Variants in ERGIC3 observed in about 807,000 individuals in gnomAD.
ERGIC3 encodes ERGIC and golgi 3.
Under a neutral mutation model 54.7 loss-of-function variants are expected in ERGIC3, and 33 were observed. That is an observed-to-expected ratio of 0.60 (90% confidence interval 0.46 to 0.81). The LOEUF is 0.81. Ranked by LOEUF, ERGIC3 falls within the 30% of genes least tolerant of loss-of-function variation. The pLI, the probability that ERGIC3 is intolerant of heterozygous loss-of-function variation, is 0.00. For synonymous variants in ERGIC3, 186 were observed against 189.8 expected (o/e 0.98, Z 0.16); for missense variants, 399 against 488.4 (o/e 0.82, Z 1.73).
intron 8 of ERGIC3, 150 bp from the exon 9 acceptor site, chr20:35,555,883 G>T: frequency 2.9e-6 from 2 of 681,838 alleles, no homozygotes; most frequent in Non-Finnish European, 2.5e-6. Context: ...GAGTTTCTAG[G>T]CAGGGAATGG....
At chr20:35,552,906 C>T (rs2064688783) in intron 7 of ERGIC3, among the ~76,000 whole-genome samples, 1 of 151,166 alleles carries the variant, frequency 6.6e-6, no homozygotes, top group Admixed American at 6.6e-5. Context: ...GAGTGACAGG[C>T]AGTTGCCCAA....
chr20:35,553,605 C>G (rs573920850), intron 7 of ERGIC3, among the ~76,000 whole-genome samples: 2 of 152,040 alleles, frequency 1.3e-5, no homozygotes, highest in East Asian at 3.9e-4. Flanking sequence ...GAAAGGGCCC[C>G]CTGGAGGGTA....
intron 7 of ERGIC3, chr20:35,554,716 C>A (rs1271187085): frequency 1.7e-6 from 1 of 590,800 alleles, no homozygotes; most frequent in Non-Finnish European, 3.0e-6. Flanking sequence ...TTGCCATCAG[C>A]TCTAGTTAGT....
At chr20:35,552,933 A>G (rs1273494895) in intron 7 of ERGIC3, among the ~76,000 whole-genome samples, 1 of 149,422 alleles carries the variant, frequency 6.7e-6, no homozygotes, top group Non-Finnish European at 1.5e-5. Flanking sequence ...GAAAAATGGC[A>G]TGGGAAAACT....
intron 10 of ERGIC3, chr20:35,556,568 A>AG (rs1345518971): frequency 2.0e-6 from 1 of 508,316 alleles, no homozygotes; most frequent in African/African-American, 1.9e-5. Flanking sequence ...GGGTTAGGCA[A>AG]GGCAAGTCTC....
intron 4 of ERGIC3, chr20:35,543,478 A>G (rs773078659): frequency 1.1e-4 from 42 of 385,238 alleles, no homozygotes; most frequent in Non-Finnish European, 1.7e-4. Flanking sequence ...ATGAAGTCAT[A>G]TGTGTAAAAT....
intron 4 of ERGIC3, chr20:35,544,413 AG>A: frequency 3.4e-6 from 1 of 294,158 alleles, no homozygotes. Context: ...TTTCAGAGAG[AG>A]GGCAGGACAG....
intron 7 of ERGIC3, among the ~76,000 whole-genome samples, chr20:35,553,243 C>T (rs531607761): frequency 1.3e-5 from 2 of 148,766 alleles, no homozygotes; most frequent in African/African-American, 2.5e-5. Flanking sequence ...GTGATCCTCC[C>T]GCTTGGCCCC....
intron 4 of ERGIC3, among the ~76,000 whole-genome samples, chr20:35,546,402 G>C (rs896018417): frequency 3.9e-5 from 6 of 152,112 alleles, no homozygotes; most frequent in Non-Finnish European, 7.4e-5. Flanking sequence ...TTGAAAGCAA[G>C]GACATTAGCT....
rs1245819327 is a variant in ERGIC3 at position 35,542,174 on chromosome 20, G to A, written c.77G>A (p.Gly26Glu). The change falls in exon 1 of 13, where the codon GGG becomes GAG. Residue 26 changes from glycine to glutamate, a missense_variant. Transcript: ENST00000348547. ...TLEDFRVKTCGGATVTIVSGL... is the reference protein window; with the variant it reads ...TLEDFRVKTCEGATVTIVSGL... ...GAGGACTTCCGGGTCAAGACCTGCG[G>A]GGGCGCCACCGGTAGGCCGCAGCGG... The A allele has an allele frequency of 6.3e-7, 1 of 1,579,432 alleles. No homozygotes were observed. Among genetic ancestry groups the A allele is most frequent in the Non-Finnish European group, 8.6e-7 (1 of 1,161,996 alleles).
intron 7 of ERGIC3, among the ~76,000 whole-genome samples, chr20:35,552,871 C>T (rs896031823): frequency 2.0e-5 from 3 of 151,924 alleles, no homozygotes; most frequent in Admixed American, 6.6e-5. Flanking sequence ...ATCACTAGAA[C>T]GTGTGACAGA....
Position 35,542,501 on chromosome 20 carries a change from G to A in ERGIC3, c.160-12G>A, listed in dbSNP as rs2064620564. On this transcript the variant is annotated splice_polypyrimidine_tract_variant and intron_variant, in intron 2 of 12. Coordinates refer to ENST00000348547, the MANE Select transcript of ERGIC3 (RefSeq NM_015966.3). ...TTTGGGGCTAAGTCTTACTGAGGTA[G>A]CGCTGCCCCAGGTGCATCCTGAGCT... 4 of 1,613,864 alleles carry A rather than the reference G, an allele frequency of 2.5e-6. No individual in the cohort carries two copies. The highest frequency in any genetic ancestry group is 1.7e-5 in the Admixed American group (1 of 59,982).
intron 7 of ERGIC3, among the ~76,000 whole-genome samples, chr20:35,551,476 G>A (rs1485018776): frequency 1.3e-5 from 2 of 152,174 alleles, no homozygotes; most frequent in Non-Finnish European, 2.9e-5. Context: ...ATTCAAGCCT[G>A]GAGTTCAGGG....
intron 7 of ERGIC3, among the ~76,000 whole-genome samples, chr20:35,550,528 A>G (rs1053053982): frequency 5.3e-5 from 8 of 152,168 alleles, no homozygotes; most frequent in Admixed American, 3.9e-4. Context: ...AGGCACGAGA[A>G]TCTCTTGAAC....
chr20:35,549,284 G>A, intron 7 of ERGIC3: 1 of 469,514 alleles, frequency 2.1e-6, no homozygotes, highest in South Asian at 1.6e-5. Context: ...AGCAGAGCTA[G>A]GTTGGAGCAC....
intron 7 of ERGIC3, among the ~76,000 whole-genome samples, chr20:35,551,042 A>G (rs975618873): frequency 1.1e-4 from 17 of 152,158 alleles, no homozygotes; most frequent in Non-Finnish European, 2.9e-5. Flanking sequence ...CTGTAATCCT[A>G]GCACTTTGGG....
At chr20:35,550,468 T>C (rs922809208) in intron 7 of ERGIC3, among the ~76,000 whole-genome samples, 4 of 151,822 alleles carry the variant, frequency 2.6e-5, no homozygotes, top group African/African-American at 9.7e-5. Context: ...ATACAAAAAT[T>C]AGCTGGGTGT....
At chr20:35,548,323 A>T (rs1366496854) in intron 5 of ERGIC3, among the ~76,000 whole-genome samples, 186 bp from the exon 6 acceptor site, 8 of 152,194 alleles carry the variant, frequency 5.3e-5, no homozygotes, top group East Asian at 1.9e-4. Context: ...AAAAAATTTT[A>T]AAAATTAAAA....
At chr20:35,554,890 T>G (rs1282888849) in intron 7 of ERGIC3, 154 bp from the exon 8 acceptor site, 2 of 904,856 alleles carry the variant, frequency 2.2e-6, no homozygotes, top group East Asian at 4.9e-5. Flanking sequence ...TTGCCCTTTC[T>G]GGCTGTCCTT....
Sources: allele counts gnomAD v4.1 joint callset (sites outside exome capture counted in the v4.1 genomes callset), GRCh38; gene constraint gnomAD v4.1.1; transcripts MANE v1.5; gene names NCBI Gene and HGNC (gene_info 2026-07-23, HGNC 2026-07-21).